Variants in CFAP46 observed in about 807,000 individuals in gnomAD.
CFAP46 encodes cilia and flagella associated protein 46, also known as cilia- and flagella-associated protein 46.
A neutral mutation model predicts 325.7 loss-of-function variants in CFAP46; 245 were observed. The ratio of observed to expected loss-of-function variants is 0.75; its 90% CI spans 0.68 to 0.84. The LOEUF is 0.84. Ranked by LOEUF, CFAP46 falls within the 40% of genes least tolerant of loss-of-function variation. The pLI is 0.00. For missense variants in CFAP46, 3,346 were observed against 3,543.0 expected, an observed-to-expected ratio of 0.94 and a Z score of 1.41; for synonymous variants, 1,523 against 1,495.9, an observed-to-expected ratio of 1.02 and a Z score of -0.42.
chr10:132,894,745 C>G (rs895120033), intron 24 of CFAP46, among the ~76,000 whole-genome samples: 1 of 152,122 alleles, frequency 6.6e-6, no homozygotes, highest in Non-Finnish European at 1.5e-5. Flanking sequence ...TCCCTCCAAA[C>G]ACACCCAGAC....
rs1848976061 is a variant in CFAP46, at chr10:132,877,728, C to G, written c.4212+153G>C. Among the ~76,000 whole-genome samples the G allele has an allele frequency of 6.6e-6, 1 of 151,504 alleles. No individual in the cohort carries two copies. Among genetic ancestry groups the G allele is most frequent in the South Asian group, 2.1e-4 (1 of 4,774 alleles). On this transcript the variant is annotated intron_variant, in intron 30 of 57. Coordinates refer to ENST00000368586, the MANE Select transcript of CFAP46 (RefSeq NM_001200049.3). The surrounding 1 kb of genome is among the most constrained non-coding windows in gnomAD (Gnocchi z 5.7). ...GCCACCTGGGGCTCCTCCGAGAACC[C>G]TGACAGGCAGGGAAACTGAGGCACA...
At chr10:132,861,751 C>G (rs189201483) in intron 35 of CFAP46, among the ~76,000 whole-genome samples, 1 of 152,198 alleles carries the variant, frequency 6.6e-6, no homozygotes, top group Non-Finnish European at 1.5e-5. Context: ...GGAAAGGCAG[C>G]GTCCTGTTCC....
rs376255132 is a variant in CFAP46, at chr10:132,846,266, C to T, written c.6268-39G>A. ...GGGGAGGTGTACCAGGGGCCCGAGGCCTGGGCGGGGAGGCCTTGCACCCTG... is the reference window on the plus strand; with the variant it reads ...GGGGAGGTGTACCAGGGGCCCGAGGTCTGGGCGGGGAGGCCTTGCACCCTG... On this transcript the variant is annotated intron_variant, in intron 43 of 57. Coordinates refer to ENST00000368586, the MANE Select transcript of CFAP46 (RefSeq NM_001200049.3). 10 of 1,597,926 alleles carry T rather than the reference C, an allele frequency of 6.3e-6. No homozygotes were observed. The African/African-American group carries it at 1.2e-4, about 19-fold the overall frequency.
intron 8 of CFAP46, among the ~76,000 whole-genome samples, chr10:132,930,477 T>A (rs1447751244): frequency 2.3e-5 from 3 of 130,956 alleles, no homozygotes; most frequent in African/African-American, 9.0e-5. Context: ...GCCTGGGCCT[T>A]CCCCATACTC....
At chr10:132,910,193 C>T (rs910657545) in intron 19 of CFAP46, 125 bp from the exon 20 acceptor site, 4 of 931,908 alleles carry the variant, frequency 4.3e-6, no homozygotes, top group East Asian at 6.6e-5. Context: ...GCCTTAAACA[C>T]GAGACCTCAG....
intron 44 of CFAP46, 112 bp from the exon 45 acceptor site, chr10:132,837,026 T>A: frequency 1.2e-6 from 1 of 821,680 alleles, no homozygotes; most frequent in Non-Finnish European, 2.0e-6. Context: ...GGGGGCTTTG[T>A]ACCCTTCCTG....
At position 132,834,771 on chromosome 10, in the gene CFAP46, G is replaced by A. The variant is rs1287689327; in HGVS notation, c.6749C>T (p.Pro2250Leu). The A allele has an allele frequency of 6.2e-7, 1 of 1,610,846 alleles. No individual in the cohort carries two copies. Among genetic ancestry groups the A allele is most frequent in the Non-Finnish European group, 8.5e-7 (1 of 1,178,228 alleles). ...EDMALNIGSEPEGLQVEEKER... is the reference protein window; with the variant it reads ...EDMALNIGSELEGLQVEEKER... ...CTTCTCTTCCACCTGCAGGCCTTCTGGTTCCTACCGCAATCCAAAAAAGAG... is the reference window on the plus strand; with the variant it reads ...CTTCTCTTCCACCTGCAGGCCTTCTAGTTCCTACCGCAATCCAAAAAAGAG... Residue 2250 changes from proline to leucine, a missense_variant, in exon 48 of 58, where the codon CCA (proline) becomes CTA (leucine). Coordinates refer to ENST00000368586, the MANE Select transcript of CFAP46 (RefSeq NM_001200049.3).
At position 132,847,327 on chromosome 10, in the gene CFAP46, A is replaced by G; in HGVS notation, c.5953-6T>C. On this transcript the variant is annotated splice_region_variant and splice_polypyrimidine_tract_variant and intron_variant, in intron 41 of 57. Transcript: ENST00000368586. This position sits in a 1 kb window ranked among gnomAD's most constrained non-coding sequence, Gnocchi z 5.2. ...CCGCTCAGCTTGGCGCCCACCTGTGACACACATTGCAGGTTGGCAGACACT... is the reference window on the plus strand; with the variant it reads ...CCGCTCAGCTTGGCGCCCACCTGTGGCACACATTGCAGGTTGGCAGACACT... 1 of 1,613,244 alleles carries G rather than the reference A, an allele frequency of 6.2e-7. No homozygotes were observed. Among genetic ancestry groups the G allele is most frequent in the Non-Finnish European group, 8.5e-7 (1 of 1,179,796 alleles).
At chr10:132,904,148 A>G (rs1261382488) in intron 22 of CFAP46, among the ~76,000 whole-genome samples, 1 of 152,266 alleles carries the variant, frequency 6.6e-6, no homozygotes, top group East Asian at 1.9e-4. Flanking sequence ...AAGAACTGAA[A>G]TATGTGTAAA....
At chr10:132,872,313 G>A (rs764411601) in intron 32 of CFAP46, among the ~76,000 whole-genome samples, 1 of 152,068 alleles carries the variant, frequency 6.6e-6, no homozygotes, top group African/African-American at 2.4e-5. Flanking sequence ...GAGTGCAGGG[G>A]CATGATCATA....
At chr10:132,819,153 A>G (rs989697650) in intron 50 of CFAP46, among the ~76,000 whole-genome samples, 4 of 152,240 alleles carry the variant, frequency 2.6e-5, no homozygotes, top group African/African-American at 7.2e-5. Context: ...CCTATTTATA[A>G]TATCATCAGA....
chr10:132,834,158 C>A, intron 48 of CFAP46, 35 bp from the exon 49 acceptor site: 2 of 1,601,850 alleles, frequency 1.2e-6, no homozygotes, highest in South Asian at 2.2e-5. Flanking sequence ...GTTTAAGAAA[C>A]AGAGATAACA....
Position 132,872,686 on chromosome 10 carries a change from A to G in CFAP46, c.4501T>C (p.Tyr1501His). The G allele has an allele frequency of 6.4e-7, 1 of 1,550,618 alleles. No individual in the cohort carries two copies. Among genetic ancestry groups the G allele is most frequent in the Non-Finnish European group, 8.7e-7 (1 of 1,146,986 alleles). The change falls in exon 32 of 58, where the codon TAC becomes CAC. Residue 1501 changes from tyrosine (Y) to histidine (H), a missense_variant. By Grantham distance (83) the Tyr-to-His change is moderately conservative. Coordinates refer to ENST00000368586, the MANE Select transcript of CFAP46 (RefSeq NM_001200049.3). ...AGGAGCTGTACCCACCGAAGGTGGT[A>G]GAGATCCGACAGGCCCTTGCTTCCC... Reference protein sequence around the residue: ...VVGSKGLSDLYHLRLAHACSE... With the variant: ...VVGSKGLSDLHHLRLAHACSE...
chr10:132,885,778 G>C, intron 26 of CFAP46, 43 bp downstream of exon 26: 2 of 1,400,370 alleles, frequency 1.4e-6, no homozygotes, highest in Non-Finnish European at 9.3e-7. Context: ...GGAGCACTCA[G>C]GCGGTGGAGG....
rs532651090 is a variant in CFAP46 at position 132,809,782 on chromosome 10, C to G, written c.7664+627G>C. 3.3e-5 allele frequency among the ~76,000 whole-genome samples: 5 copies of G among 152,308 alleles called. No individual in the cohort carries two copies. The East Asian group carries it at 7.7e-4, about 24-fold the overall frequency. On this transcript the variant is annotated intron_variant, in intron 57 of 57. Coordinates refer to ENST00000368586, the MANE Select transcript of CFAP46 (RefSeq NM_001200049.3). ...ACGGCTGGGTGGGGTTCCGTCTGTC[C>G]GTGTTTGAGAACAGACCATGTCCCG...
At chr10:132,868,591 G>A (rs1392204991) in intron 33 of CFAP46, among the ~76,000 whole-genome samples, 2 of 152,236 alleles carry the variant, frequency 1.3e-5, no homozygotes, top group Admixed American at 6.5e-5. Flanking sequence ...AACAGTGTCT[G>A]TTTCAATGTA....
At chr10:132,816,321 A>ACTT (rs1180585012) in intron 50 of CFAP46, among the ~76,000 whole-genome samples, 19 of 125,148 alleles carry the variant, frequency 1.5e-4, no homozygotes, top group African/African-American at 2.5e-4. Flanking sequence ...CCTTGCTCTG[A>ACTT]CTTCTTCTTT....
Position 132,827,579 on chromosome 10 carries a change from C to T in CFAP46, c.7117+5779G>A, listed in dbSNP as rs557644244. Among the ~76,000 whole-genome samples, 1 of 152,166 alleles carries T rather than the reference C, an allele frequency of 6.6e-6. No homozygotes were observed. The highest frequency in any genetic ancestry group is 2.0e-4 in the East Asian group (1 of 5,124). ...GCTCGGAGTGCCAGAGTACAGAGTC[C>T]AATTTGAGCATTGTTCAGGTTCAAC... On this transcript the variant is annotated intron_variant, in intron 50 of 57. Transcript: ENST00000368586. The surrounding 1 kb of genome is among the most constrained non-coding windows in gnomAD (Gnocchi z 5.7).
intron 1 of CFAP46, 47 bp from the exon 2 acceptor site, chr10:132,942,151 G>T (rs987146736): frequency 2.6e-6 from 4 of 1,547,502 alleles, no homozygotes; most frequent in Non-Finnish European, 3.5e-6. Flanking sequence ...TGGGCTGGGA[G>T]AAGTGAGCCG....
Sources: allele counts gnomAD v4.1 joint callset (sites outside exome capture counted in the v4.1 genomes callset), GRCh38; gene constraint gnomAD v4.1.1; non-coding constraint Gnocchi (gnomAD v3.1); transcripts MANE v1.5; gene names NCBI Gene and HGNC (gene_info 2026-07-23, HGNC 2026-07-21).